ANKRD46: variants seen among roughly 807,000 people sequenced by gnomAD.
The protein encoded by ANKRD46 is ankyrin repeat domain-containing protein 46.
Under a neutral mutation model 19.8 loss-of-function variants are expected in ANKRD46, and 13 were observed. That is an observed-to-expected ratio of 0.66 (90% CI 0.43 to 1.04). ANKRD46 has a LOEUF of 1.04. ANKRD46 is among the 50% of genes least tolerant of loss of function. The probability of loss-of-function intolerance (pLI) is 0.00; values close to 1 mark genes in which losing one functional copy is unlikely to be tolerated. For missense variants in ANKRD46, 185 were observed against 274.8 expected (o/e 0.67, Z 2.31); for synonymous variants, 91 against 106.9 (o/e 0.85, Z 0.92).
Position 100,521,125 on chromosome 8 carries a change from A to C in ANKRD46, c.*1430T>G, listed in dbSNP as rs773170968. The C allele has an allele frequency of 1.0e-6, 1 of 985,038 alleles. No individual in the cohort carries two copies. The highest frequency in any genetic ancestry group is 6.2e-5 in the Admixed American group (1 of 16,204). The allele number at this position is 985,038 out of a possible 1,614,324, so 61.0% of individuals were successfully genotyped here. On this transcript the variant is annotated 3_prime_UTR_variant, in exon 5 of 5. Coordinates refer to ENST00000335659, the MANE Select transcript of ANKRD46 (RefSeq NM_001270377.2). ...GTTACTCAGGAATTTTACAACAGCTATTAAAGAGAGGATAAAGCCACATGA... is the reference window on the plus strand; with the variant it reads ...GTTACTCAGGAATTTTACAACAGCTCTTAAAGAGAGGATAAAGCCACATGA...
intron 1 of ANKRD46, among the ~76,000 whole-genome samples, chr8:100,541,686 C>T (rs919595315): frequency 4.6e-5 from 7 of 152,192 alleles, no homozygotes; most frequent in African/African-American, 1.7e-4. Flanking sequence ...ACTTTACATG[C>T]TACCGCTCAT....
intron 4 of ANKRD46, 49 bp from the exon 5 acceptor site, chr8:100,522,820 C>G (rs1329844266): frequency 1.3e-6 from 2 of 1,501,738 alleles, no homozygotes; most frequent in Admixed American, 1.8e-5. Flanking sequence ...CACAGCAATT[C>G]CAAAAACATA....
chr8:100,518,993 A>G (rs1397454263), downstream of ANKRD46, among the ~76,000 whole-genome samples: 11 of 152,258 alleles, frequency 7.2e-5, no homozygotes, highest in African/African-American at 1.7e-4. Flanking sequence ...AGAACATTCA[A>G]GAATCATGTG....
At chr8:100,551,057 G>T in intron 1 of ANKRD46, 1 of 510,818 alleles carries the variant, frequency 2.0e-6, no homozygotes, top group East Asian at 4.9e-5. Flanking sequence ...TTCAGCTCGG[G>T]GATGGCCTTG....
chr8:100,521,314 G>A lies in ANKRD46; in HGVS notation c.*1241C>T. 1.0e-6 allele frequency: 1 copy of A among 985,274 alleles called. No individual in the cohort carries two copies. Among genetic ancestry groups the A allele is most frequent in the Non-Finnish European group, 1.2e-6 (1 of 829,886 alleles). The allele number at this position is 985,274 out of a possible 1,614,324, so 61.0% of individuals were successfully genotyped here. On this transcript the variant is annotated 3_prime_UTR_variant, in exon 5 of 5. Coordinates refer to ENST00000335659, the MANE Select transcript of ANKRD46 (RefSeq NM_001270377.2). ...TTTATTCCAAAAAACAAAACCATTA[G>A]TTCTTTCACTACAATTTCCTGACTT...
At chr8:100,558,818 T>C (rs1383886600) in intron 1 of ANKRD46, among the ~76,000 whole-genome samples, 3 of 152,102 alleles carry the variant, frequency 2.0e-5, no homozygotes, top group African/African-American at 7.2e-5. Flanking sequence ...ATCTGTATAA[T>C]GGAAATGGTA....
At chr8:100,530,279 T>TA (rs1811931496) in intron 2 of ANKRD46, among the ~76,000 whole-genome samples, 1 of 152,254 alleles carries the variant, frequency 6.6e-6, no homozygotes, top group Non-Finnish European at 1.5e-5. Flanking sequence ...TTCTCTTTGA[T>TA]ATATTTGCTT....
intron 1 of ANKRD46, among the ~76,000 whole-genome samples, chr8:100,552,245 C>T (rs1260527998): frequency 4.6e-5 from 7 of 151,250 alleles, no homozygotes. Context: ...TAATTTAATT[C>T]CTTTTCGTCT....
Position 100,522,468 on chromosome 8 carries a change from T to G in ANKRD46, c.*87A>C. 6.5e-7 allele frequency: 1 copy of G among 1,549,736 alleles called. No homozygotes were observed. ...AGAACATGTACTGCCCTCACTGCTT[T>G]GCGCTAAGAAAAATTCTGAGAAACT... On this transcript the variant is annotated 3_prime_UTR_variant, in exon 5 of 5. Coordinates refer to ENST00000335659, the MANE Select transcript of ANKRD46 (RefSeq NM_001270377.2).
chr8:100,518,497 A>C (rs1273646568), downstream of ANKRD46, among the ~76,000 whole-genome samples: 2 of 152,182 alleles, frequency 1.3e-5, no homozygotes, highest in African/African-American at 2.4e-5. Flanking sequence ...GAACAAAATG[A>C]AGTCGAATCT....
Position 100,510,264 on chromosome 8 carries a change from G to A in ANKRD46, c.*313C>T, listed in dbSNP as rs1040665776. Reference sequence around the variant, plus strand: ...GACACCACGGCAGCCTTTTGTTCAAGATCAAATGGATGTGATTTGCCTTGT... The same window carrying A: ...GACACCACGGCAGCCTTTTGTTCAAAATCAAATGGATGTGATTTGCCTTGT... On this transcript the variant is annotated 3_prime_UTR_variant, in exon 6 of 6. Transcript: ENST00000520552. This position sits in a 1 kb window ranked among gnomAD's most constrained non-coding sequence, Gnocchi z 4.9. 7.1e-5 allele frequency: 22 copies of A among 311,998 alleles called. 1 individual carries two copies. In the Admixed American group the frequency reaches 7.2e-4, roughly 10 times the overall value. 19.3% of individuals were successfully genotyped at this position (311,998 alleles called of 1,614,324 possible).
chr8:100,512,819 G>A (rs1811567698), intron 5 of ANKRD46, among the ~76,000 whole-genome samples: 1 of 152,224 alleles, frequency 6.6e-6, no homozygotes, highest in South Asian at 2.1e-4. Flanking sequence ...GTCACAGGAT[G>A]TGCATTGGGC....
chr8:100,529,623 G>T lies in ANKRD46; in HGVS notation c.211C>A (p.Leu71Ile). 1 of 1,614,244 alleles carries T rather than the reference G, an allele frequency of 6.2e-7. No individual in the cohort carries two copies. ...CQLLHKFGAD[L>I]LATDYQGNTA... ...TTTCCTTGATAATCTGTGGCCAGAAGATCGGCACCGAATTTATGCAGTAAC... is the reference window on the plus strand; with the variant it reads ...TTTCCTTGATAATCTGTGGCCAGAATATCGGCACCGAATTTATGCAGTAAC... The change falls in exon 3 of 5, where the codon CTT becomes ATT. Residue 71 changes from leucine (L) to isoleucine (I), a missense_variant. Leu to Ile is a conservative substitution (Grantham distance 5, BLOSUM62 2). Transcript: ENST00000335659. This position sits in a 1 kb window ranked among gnomAD's most constrained non-coding sequence, Gnocchi z 5.8.
rs1158020183 is a variant in ANKRD46, at chr8:100,521,401, T to TCTC, written c.*1153_*1154insGAG. The TCTC allele has an allele frequency of 1.0e-6, 1 of 985,298 alleles. No individual in the cohort carries two copies. Among genetic ancestry groups the TCTC allele is most frequent in the Non-Finnish European group, 1.2e-6 (1 of 829,930 alleles). 61.0% of individuals were successfully genotyped at this position (985,298 alleles called of 1,614,324 possible). On this transcript the variant is annotated 3_prime_UTR_variant, in exon 5 of 5. Transcript: ENST00000335659. ...TTTAACCACTCAAGAACATAATTCATACATTACAGAATCATTAACAAAAGA... is the reference window on the plus strand; with the variant it reads ...TTTAACCACTCAAGAACATAATTCATCTCACATTACAGAATCATTAACAAAAGA...
intron 5 of ANKRD46, among the ~76,000 whole-genome samples, chr8:100,513,077 TG>T (rs1161280009): frequency 3.3e-5 from 5 of 152,216 alleles, no homozygotes; most frequent in Admixed American, 3.3e-4. Context: ...TAATTGATAA[TG>T]TAGTTATACT....
intron 2 of ANKRD46, among the ~76,000 whole-genome samples, chr8:100,530,574 G>T (rs917367008): frequency 6.6e-6 from 1 of 152,024 alleles, no homozygotes; most frequent in South Asian, 2.1e-4. Flanking sequence ...TAGTAGAGAC[G>T]GGGTTTCACC....
rs35216029 is a variant in ANKRD46, at chr8:100,514,617, C to CTTTTTTTTTTTTTTTTTTTT, written c.637-3998_637-3979dup. Among the ~76,000 whole-genome samples, 8 of 74,062 alleles carry CTTTTTTTTTTTTTTTTTTTT rather than the reference C, an allele frequency of 1.1e-4. 2 individuals carry two copies. The highest frequency in any genetic ancestry group is 4.5e-4 in the African/African-American group (8 of 17,842). The allele number at this position is 74,062 out of a possible 152,430, so 48.6% of individuals were successfully genotyped here. On this transcript the variant is annotated intron_variant, in intron 5 of 5. Coordinates refer to the ANKRD46 transcript ENST00000520552. The stretch of plus-strand genomic sequence containing the variant: ...TGAGTGTGGGTTATTCCTCCATCTT[C>CTTTTTTTTTTTTTTTTTTTT]TTTTTTTTTTTTTTTTTTTTTTGAG...
chr8:100,552,957 C>A (rs776183784), intron 1 of ANKRD46, among the ~76,000 whole-genome samples: 2 of 152,118 alleles, frequency 1.3e-5, no homozygotes, highest in Non-Finnish European at 2.9e-5. Flanking sequence ...GTCATTGCTT[C>A]CTAAAAAGGA....
intron 2 of ANKRD46, among the ~76,000 whole-genome samples, chr8:100,531,985 C>A (rs75860132): frequency 0.05 from 7,629 of 152,062 alleles, 301 homozygotes; most frequent in Non-Finnish European, 0.074. Context: ...CAGTGGCAGG[C>A]AGAAGGGGAC....
Sources: gnomAD v4.1 joint callset for allele counts (sites outside exome capture counted in the v4.1 genomes callset) on GRCh38, gnomAD v4.1.1 for gene constraint, Gnocchi (gnomAD v3.1) non-coding constraint, MANE v1.5 for transcripts, NCBI Gene and HGNC (gene_info 2026-07-23, HGNC 2026-07-21) for gene names.